The following BICD1 variants were observed in gnomAD, a reference collection of about 807,000 sequenced individuals.
The protein encoded by BICD1 is BICD cargo adaptor 1, also known as protein bicaudal D homolog 1.
A neutral mutation model predicts 92.5 loss-of-function variants in BICD1; 35 were observed. The ratio of observed to expected loss-of-function variants is 0.38; its 90% CI spans 0.29 to 0.50. The LOEUF is 0.50. Among genes scored for constraint, BICD1 ranks in the 20% least tolerant of loss-of-function variants. The pLI is 0.93. For missense variants in BICD1, 950 were observed against 1,189.8 expected, an observed-to-expected ratio of 0.80 and a Z score of 2.97; for synonymous variants, 429 against 465.1, an observed-to-expected ratio of 0.92 and a Z score of 1.00.
intron 2 of BICD1, among the ~76,000 whole-genome samples, chr12:32,286,118 G>A (rs921789312): frequency 1.3e-5 from 2 of 152,166 alleles, no homozygotes; most frequent in African/African-American, 2.4e-5. Flanking sequence ...GTTATTTTAC[G>A]AGTTGTTAGT....
At chr12:32,179,797 C>G (rs770604965) in intron 1 of BICD1, among the ~76,000 whole-genome samples, 1 of 151,676 alleles carries the variant, frequency 6.6e-6, no homozygotes, top group Non-Finnish European at 1.5e-5. Flanking sequence ...TTGAGACCAA[C>G]CTGGCCAGCA....
At chr12:32,317,290 C>A (rs1948530473) in intron 4 of BICD1, among the ~76,000 whole-genome samples, 1 of 152,208 alleles carries the variant, frequency 6.6e-6, no homozygotes, top group Admixed American at 6.5e-5. Flanking sequence ...ACACTGACTT[C>A]CACAATGGTC....
chr12:32,184,838 A>G (rs999080063), intron 1 of BICD1, among the ~76,000 whole-genome samples: 1 of 152,238 alleles, frequency 6.6e-6, no homozygotes, highest in African/African-American at 2.4e-5. Context: ...TAGAAAAGCT[A>G]TAAGCACATG....
At chr12:32,277,317 C>T (rs767995485) in intron 2 of BICD1, among the ~76,000 whole-genome samples, 18 of 152,080 alleles carry the variant, frequency 1.2e-4, no homozygotes, top group Non-Finnish European at 2.2e-4. Flanking sequence ...TTGCTTGAAC[C>T]GGGGAGGTGG....
chr12:32,186,275 CT>C (rs1944421637), intron 1 of BICD1, among the ~76,000 whole-genome samples: 1 of 152,160 alleles, frequency 6.6e-6, no homozygotes, highest in African/African-American at 2.4e-5. Flanking sequence ...CAACATACCC[CT>C]AAAACATTGC....
At chr12:32,274,870 G>T in intron 2 of BICD1, among the ~76,000 whole-genome samples, 1 of 152,060 alleles carries the variant, frequency 6.6e-6, no homozygotes. Flanking sequence ...CCTTGCCTCA[G>T]TTGGCCAAGC....
intron 3 of BICD1, among the ~76,000 whole-genome samples, chr12:32,302,214 T>C (rs772480180): frequency 6.6e-6 from 1 of 152,172 alleles, no homozygotes; most frequent in Non-Finnish European, 1.5e-5. Flanking sequence ...AAAAAAGAAA[T>C]CAGAAGTTTT....
At position 32,116,506 on chromosome 12, in the gene BICD1, C is replaced by CTATATATATATATA. The variant is rs1269090621; in HGVS notation, c.213+8963_213+8964insATATATATATATAT. On this transcript the variant is annotated intron_variant, in intron 1 of 9. Coordinates refer to ENST00000652176, the MANE Select transcript of BICD1 (RefSeq NM_001714.4). ...TCTCTCTCTCTTTCTCTCTCTCTCT[C>CTATATATATATATA]TCTCTATATATATATATATATATGT... Among the ~76,000 whole-genome samples the CTATATATATATATA allele has an allele frequency of 1.0e-4, 9 of 86,872 alleles. No individual in the cohort carries two copies. In the East Asian group the frequency reaches 1.0e-3, roughly 10 times the overall value. The allele number at this position is 86,872 out of a possible 152,430, so 57.0% of individuals were successfully genotyped here. A position where few individuals can be genotyped will look rare whatever the true frequency, so the allele number is the denominator to read the frequency against.
chr12:32,269,937 C>T (rs1197049960), intron 2 of BICD1, among the ~76,000 whole-genome samples: 1 of 151,746 alleles, frequency 6.6e-6, no homozygotes, highest in Non-Finnish European at 1.5e-5. Context: ...GCCTGGCCAA[C>T]GTAGCAAAAC....
At chr12:32,213,172 C>G (rs1194537511) in intron 1 of BICD1, among the ~76,000 whole-genome samples, 1 of 152,176 alleles carries the variant, frequency 6.6e-6, no homozygotes, top group East Asian at 1.9e-4. Flanking sequence ...GAATCCCATA[C>G]AACACTTACT....
intron 1 of BICD1, among the ~76,000 whole-genome samples, chr12:32,112,269 G>A (rs934965795): frequency 1.3e-5 from 2 of 152,146 alleles, no homozygotes; most frequent in African/African-American, 2.4e-5. Context: ...GCCTCCCAAA[G>A]TGCTGGGATT....
chr12:32,107,191 G>T lies in BICD1; in HGVS notation c.-141G>T. The T allele has an allele frequency of 1.3e-6, 1 of 781,872 alleles. No individual in the cohort carries two copies. Among genetic ancestry groups the T allele is most frequent in the South Asian group, 1.8e-5 (1 of 54,680 alleles). 48.4% of individuals were successfully genotyped at this position (781,872 alleles called of 1,614,324 possible). ...TGCCGCTGCCACCAGAGCCGGCGGG[G>T]CATCGCGCTGCTCATTCATCCGGCC... On this transcript the variant is annotated 5_prime_UTR_variant, in exon 1 of 10. Coordinates refer to ENST00000652176, the MANE Select transcript of BICD1 (RefSeq NM_001714.4).
Position 32,107,068 on chromosome 12 carries a change from G to A in BICD1, c.-264G>A. 2 of 464,928 alleles carry A rather than the reference G, an allele frequency of 4.3e-6. No homozygotes were observed. Among genetic ancestry groups the A allele is most frequent in the South Asian group, 2.5e-5 (1 of 40,412 alleles). 28.8% of individuals were successfully genotyped at this position (464,928 alleles called of 1,614,324 possible). On this transcript the variant is annotated 5_prime_UTR_variant, in exon 1 of 10. Transcript: ENST00000652176. ...GGCTGCTGACCGCACGCAGGGGCCG[G>A]CCCCGAGGACACATGCGGCGGCCTT...
At chr12:32,133,950 T>C (rs1398992208) in intron 1 of BICD1, among the ~76,000 whole-genome samples, 2 of 151,840 alleles carry the variant, frequency 1.3e-5, no homozygotes, top group African/African-American at 2.4e-5. Context: ...CCTGGCTAAT[T>C]TTTTGTATTT....
intron 1 of BICD1, among the ~76,000 whole-genome samples, chr12:32,129,858 G>A (rs1942478426): frequency 6.6e-6 from 1 of 152,130 alleles, no homozygotes; most frequent in Admixed American, 6.5e-5. Flanking sequence ...TTTATTAAAT[G>A]TCACTGGGAG....
chr12:32,345,482 A>C (rs56386122), intron 8 of BICD1, among the ~76,000 whole-genome samples: 1 of 152,048 alleles, frequency 6.6e-6, no homozygotes, highest in African/African-American at 2.4e-5. Context: ...CATTCTATAC[A>C]TATATAAGGA....
intron 2 of BICD1, among the ~76,000 whole-genome samples, chr12:32,246,566 G>C (rs568824738): frequency 1.3e-5 from 2 of 152,004 alleles, no homozygotes; most frequent in South Asian, 2.1e-4. Flanking sequence ...TGAGCCTGGG[G>C]GGTTGAGGCT....
At chr12:32,205,521 A>G (rs1945024197) in intron 1 of BICD1, among the ~76,000 whole-genome samples, 1 of 151,860 alleles carries the variant, frequency 6.6e-6, no homozygotes, top group African/African-American at 2.4e-5. Context: ...CTTTCAGTGA[A>G]TAATGGTACA....
intron 1 of BICD1, among the ~76,000 whole-genome samples, chr12:32,161,622 C>T (rs1001975068): frequency 5.3e-5 from 8 of 152,172 alleles, no homozygotes; most frequent in African/African-American, 1.9e-4. Context: ...ATGGTATCCA[C>T]TGCCCAGGGA....
Sources: allele counts gnomAD v4.1 joint callset (sites outside exome capture counted in the v4.1 genomes callset), GRCh38; gene constraint gnomAD v4.1.1; transcripts MANE v1.5; gene names NCBI Gene and HGNC (gene_info 2026-07-23, HGNC 2026-07-21).